PRKCA: variants seen among roughly 807,000 people sequenced by gnomAD.
PRKCA encodes the protein protein kinase C alpha, also known as protein kinase C alpha type.
A neutral mutation model predicts 87.0 loss-of-function variants in PRKCA; 27 were observed. The ratio of observed to expected loss-of-function variants is 0.31; its 90% CI spans 0.23 to 0.43. The LOEUF (loss-of-function observed/expected upper bound fraction) is 0.43, where lower values mean the gene tolerates loss of function less well. PRKCA is among the 20% of genes least tolerant of loss of function. The probability of loss-of-function intolerance (pLI) is 1.00; values close to 1 mark genes in which losing one functional copy is unlikely to be tolerated. For missense variants in PRKCA, 518 were observed against 852.3 expected (o/e 0.61, Z 4.88); for synonymous variants, 329 against 311.1 (o/e 1.06, Z -0.61).
chr17:66,798,794 ATGGTGG>A (rs1975774504), intron 16 of PRKCA, among the ~76,000 whole-genome samples: 1 of 1,450 alleles, frequency 6.9e-4, no homozygotes, highest in Non-Finnish European at 1.2e-3. Flanking sequence ...GGTGGTGGTG[ATGGTGG>A]TGGTGGTGGT....
intron 13 of PRKCA, among the ~76,000 whole-genome samples, chr17:66,770,087 C>G (rs747102212): frequency 6.6e-6 from 1 of 152,188 alleles, no homozygotes; most frequent in Non-Finnish European, 1.5e-5. Context: ...TTATACATTT[C>G]TAGTTGGCAC....
chr17:66,448,326 G>GA (rs921434743), intron 2 of PRKCA, among the ~76,000 whole-genome samples: 30 of 152,302 alleles, frequency 2.0e-4, no homozygotes, highest in African/African-American at 7.2e-4. Context: ...AGGGAATGAT[G>GA]AATTTTGCTG....
chr17:66,635,158 G>T (rs1193589497), intron 3 of PRKCA, among the ~76,000 whole-genome samples: 1 of 152,188 alleles, frequency 6.6e-6, no homozygotes, highest in Non-Finnish European at 1.5e-5. Flanking sequence ...ACACCAAGGT[G>T]CCTGCCATCT....
chr17:66,312,538 C>G (rs1419839166), intron 2 of PRKCA, among the ~76,000 whole-genome samples: 2 of 152,094 alleles, frequency 1.3e-5, no homozygotes, highest in Non-Finnish European at 2.9e-5. Context: ...TCAGACTTAC[C>G]TACAATGCTT....
rs200917501 is a variant in PRKCA, at chr17:66,551,161, C to T, written c.288+54878C>T. ...CACTGTAGCCTTGATCTCCTGGCCT[C>T]AAGTGATCCTCCCACCTTAGCCCTG... On this transcript the variant is annotated intron_variant, in intron 3 of 16. Transcript: ENST00000413366. 2.6e-5 allele frequency among the ~76,000 whole-genome samples: 4 copies of T among 152,328 alleles called. No individual in the cohort carries two copies. The East Asian group carries it at 7.7e-4, about 29-fold the overall frequency.
intron 2 of PRKCA, among the ~76,000 whole-genome samples, chr17:66,308,092 A>G (rs1351528897): frequency 2.6e-5 from 4 of 152,132 alleles, no homozygotes; most frequent in Non-Finnish European, 4.4e-5. Context: ...ATCAAGGGGT[A>G]TTTTGTAATT....
At chr17:66,722,785 G>A (rs540747591) in intron 8 of PRKCA, among the ~76,000 whole-genome samples, 1 of 152,148 alleles carries the variant, frequency 6.6e-6, no homozygotes, top group South Asian at 2.1e-4. Flanking sequence ...CCTGGATTCT[G>A]GGTTGTTGAA....
chr17:66,728,130 C>T lies in PRKCA; in HGVS notation c.919-4558C>T, dbSNP rs1298241503. 2.0e-5 allele frequency among the ~76,000 whole-genome samples: 3 copies of T among 152,162 alleles called. No individual in the cohort carries two copies. The East Asian group carries it at 5.8e-4, about 29-fold the overall frequency. On this transcript the variant is annotated intron_variant, in intron 8 of 16. Coordinates refer to ENST00000413366, the MANE Select transcript of PRKCA (RefSeq NM_002737.3). ...TGGCAGCAAGGCCTGCAGGTGGCAG[C>T]GTGGAGATGGCTCAGGGAGTGTGTT...
intron 2 of PRKCA, among the ~76,000 whole-genome samples, chr17:66,458,289 G>C (rs1296805849): frequency 6.6e-6 from 1 of 152,020 alleles, no homozygotes; most frequent in Non-Finnish European, 1.5e-5. Context: ...TTCTATTTAG[G>C]CCATTGAAAT....
At chr17:66,802,571 A>G (rs1468573843) in intron 16 of PRKCA, among the ~76,000 whole-genome samples, 1 of 152,106 alleles carries the variant, frequency 6.6e-6, no homozygotes, top group Non-Finnish European at 1.5e-5. Flanking sequence ...CCTAGAAGAT[A>G]AAGTGTGAAA....
At position 66,574,916 on chromosome 17, in the gene PRKCA, T is replaced by C. The variant is rs562853885; in HGVS notation, c.289-66439T>C. Among the ~76,000 whole-genome samples, 229 of 152,318 alleles carry C rather than the reference T, an allele frequency of 1.5e-3. 1 individual carries two copies. Among genetic ancestry groups the C allele is most frequent in the African/African-American group, 5.2e-3 (218 of 41,574 alleles). On this transcript the variant is annotated intron_variant, in intron 3 of 16. Coordinates refer to ENST00000413366, the MANE Select transcript of PRKCA (RefSeq NM_002737.3). Reference sequence around the variant, plus strand: ...TATACTGTAGTAAAAGTTATGTGAATGGGGTCTCTCCCTCTCTGAAAATAT... The same window carrying C: ...TATACTGTAGTAAAAGTTATGTGAACGGGGTCTCTCCCTCTCTGAAAATAT...
chr17:66,698,472 G>A (rs1216270413), intron 8 of PRKCA, among the ~76,000 whole-genome samples: 6 of 152,080 alleles, frequency 3.9e-5, no homozygotes, highest in African/African-American at 1.4e-4. Context: ...TCAATAGAGA[G>A]TGACAACAGC....
chr17:66,327,097 G>A lies in PRKCA; in HGVS notation c.205+20970G>A, dbSNP rs140374435. On this transcript the variant is annotated intron_variant, in intron 2 of 16. Transcript: ENST00000413366. ...ATAATAATTAAATAATAGGCCAGGC[G>A]TGGTGGCTCACGCCTGTAATCTCAG... 8.2e-4 allele frequency among the ~76,000 whole-genome samples: 125 copies of A among 152,016 alleles called. 1 individual carries two copies. The highest frequency in any genetic ancestry group is 2.6e-3 in the African/African-American group (106 of 41,472).
At chr17:66,775,503 G>T in intron 14 of PRKCA, 1 of 985,334 alleles carries the variant, frequency 1.0e-6, no homozygotes, top group Admixed American at 6.1e-5. Flanking sequence ...AAGCAGGCTT[G>T]GTAATCACCC....
intron 15 of PRKCA, among the ~76,000 whole-genome samples, chr17:66,788,239 G>A (rs1975447662): frequency 6.6e-6 from 1 of 152,202 alleles, no homozygotes; most frequent in African/African-American, 2.4e-5. Flanking sequence ...AAGGCACTTG[G>A]AAGAGATACT....
intron 5 of PRKCA, among the ~76,000 whole-genome samples, chr17:66,663,977 C>T (rs1310594019): frequency 2.6e-5 from 4 of 151,846 alleles, no homozygotes; most frequent in Non-Finnish European, 5.9e-5. Context: ...AAGTGATTCT[C>T]GTGGCTCAGC....
chr17:66,409,333 A>G (rs948656692), intron 2 of PRKCA, among the ~76,000 whole-genome samples: 9 of 151,950 alleles, frequency 5.9e-5, no homozygotes, highest in Admixed American at 3.9e-4. Flanking sequence ...TGCCTTCTCT[A>G]TTTTTGCATA....
intron 2 of PRKCA, among the ~76,000 whole-genome samples, chr17:66,389,999 G>A (rs928137440): frequency 7.9e-5 from 12 of 152,236 alleles, no homozygotes; most frequent in Non-Finnish European, 1.6e-4. Context: ...CAAGGCGGGT[G>A]GATCACCTGA....
At position 66,809,963 on chromosome 17, in the gene PRKCA, T is replaced by G. The variant is rs1414406766; in HGVS notation, c.*5926T>G. Reference sequence around the variant, plus strand: ...AGATTCAGAGATGCCCTGTAAGGATTTTGCCCACTGGGCAACTCAGAAATA... The same window carrying G: ...AGATTCAGAGATGCCCTGTAAGGATGTTGCCCACTGGGCAACTCAGAAATA... On this transcript the variant is annotated 3_prime_UTR_variant, in exon 17 of 17. Coordinates refer to ENST00000413366, the MANE Select transcript of PRKCA (RefSeq NM_002737.3). 2.0e-5 allele frequency: 3 copies of G among 152,212 alleles called. No homozygotes were observed. The highest frequency in any genetic ancestry group is 2.0e-4 in the Admixed American group (3 of 15,284). 9.4% of individuals were successfully genotyped at this position (152,212 alleles called of 1,614,324 possible).
Sources: gnomAD v4.1 joint callset for allele counts (sites outside exome capture counted in the v4.1 genomes callset) on GRCh38, gnomAD v4.1.1 for gene constraint, MANE v1.5 for transcripts, NCBI Gene and HGNC (gene_info 2026-07-23, HGNC 2026-07-21) for gene names.